The following ENTREP2 variants were observed in gnomAD, a reference collection of about 807,000 sequenced individuals.
ENTREP2 encodes protein ENTREP2.
chr15:29,527,228 C>T, the ENTREP2 span, among the ~76,000 whole-genome samples: 2 of 152,126 alleles, frequency 1.3e-5, no homozygotes, highest in Admixed American at 6.5e-5. Context: ...CAATGCCATC[C>T]GTATGCACCT....
the ENTREP2 span, among the ~76,000 whole-genome samples, chr15:29,123,822 C>T: frequency 2.0e-5 from 3 of 152,172 alleles, no homozygotes; most frequent in Non-Finnish European, 4.4e-5. Flanking sequence ...CCCTTCTCAA[C>T]CCCAAACTGA....
chr15:29,283,763 A>G, the ENTREP2 span, among the ~76,000 whole-genome samples: 1 of 152,212 alleles, frequency 6.6e-6, no homozygotes, highest in Admixed American at 6.5e-5. Context: ...GAGAATTCAT[A>G]AGGAGATATT....
the ENTREP2 span, among the ~76,000 whole-genome samples, chr15:29,367,246 G>A: frequency 6.6e-6 from 1 of 152,122 alleles, no homozygotes; most frequent in African/African-American, 2.4e-5. Context: ...TCACATGCCT[G>A]GTGCAGCCTG....
At chr15:29,197,214 C>T in the ENTREP2 span, among the ~76,000 whole-genome samples, 7 of 152,184 alleles carry the variant, frequency 4.6e-5, no homozygotes, top group Admixed American at 2.0e-4. Context: ...CAGTGTTAGA[C>T]GAAGAGAGAG....
chr15:29,671,278 G>A, the ENTREP2 span, among the ~76,000 whole-genome samples: 1 of 152,144 alleles, frequency 6.6e-6, no homozygotes, highest in Admixed American at 6.5e-5. Flanking sequence ...GTAATAAACT[G>A]GTAATAGTAA....
the ENTREP2 span, among the ~76,000 whole-genome samples, chr15:29,215,519 G>C: frequency 6.6e-6 from 1 of 151,622 alleles, no homozygotes; most frequent in Non-Finnish European, 1.5e-5. Context: ...TCAGCCTGCA[G>C]ACAGCCTATT....
the ENTREP2 span, among the ~76,000 whole-genome samples, chr15:29,356,793 T>C: frequency 1.3e-5 from 2 of 152,048 alleles, no homozygotes; most frequent in African/African-American, 2.4e-5. Flanking sequence ...ATCACACAGA[T>C]GTTAATTCTC....
the ENTREP2 span, among the ~76,000 whole-genome samples, chr15:29,486,850 A>G: frequency 2.0e-5 from 3 of 152,166 alleles, no homozygotes; most frequent in Non-Finnish European, 4.4e-5. Context: ...GCTCATGGAT[A>G]TAGAAAATTA....
At chr15:29,501,520 C>T in the ENTREP2 span, among the ~76,000 whole-genome samples, 2 of 151,892 alleles carry the variant, frequency 1.3e-5, no homozygotes, top group East Asian at 1.9e-4. Flanking sequence ...ATTTCTTAAC[C>T]TGATAAAGGG....
the ENTREP2 span, among the ~76,000 whole-genome samples, chr15:29,482,838 T>G: frequency 2.0e-5 from 3 of 152,232 alleles, no homozygotes; most frequent in African/African-American, 7.2e-5. Flanking sequence ...AAGTTTTTAA[T>G]TCATTTAGGT....
the ENTREP2 span, among the ~76,000 whole-genome samples, chr15:29,668,111 C>G: frequency 5.9e-5 from 9 of 152,162 alleles, no homozygotes; most frequent in South Asian, 1.9e-3. Flanking sequence ...AGAGAGCACC[C>G]TAGCCAATCA....
the ENTREP2 span, among the ~76,000 whole-genome samples, chr15:29,499,770 T>C: frequency 3.3e-5 from 5 of 152,136 alleles, no homozygotes; most frequent in South Asian, 1.0e-3. Flanking sequence ...ACATATTGTG[T>C]AAATGAACTA....
the ENTREP2 span, among the ~76,000 whole-genome samples, chr15:29,571,081 C>G: frequency 1.3e-5 from 2 of 150,006 alleles, no homozygotes; most frequent in Admixed American, 1.3e-4. Context: ...GGCGCGAGCC[C>G]CGCCGCCGTG....
chr15:29,440,347 G>T, the ENTREP2 span, among the ~76,000 whole-genome samples: 1 of 152,122 alleles, frequency 6.6e-6, no homozygotes, highest in African/African-American at 2.4e-5. Flanking sequence ...CCAGATACCA[G>T]CCAAAGCACA....
the ENTREP2 span, among the ~76,000 whole-genome samples, chr15:29,424,100 T>C: frequency 6.6e-6 from 1 of 152,208 alleles, no homozygotes; most frequent in East Asian, 1.9e-4. Context: ...CACGGGTTTG[T>C]GCTCTCACTG....
At chr15:29,440,240 T>C in the ENTREP2 span, among the ~76,000 whole-genome samples, 3 of 152,208 alleles carry the variant, frequency 2.0e-5, no homozygotes, top group East Asian at 5.8e-4. Flanking sequence ...GACAAATGTA[T>C]GATGGTTACA....
chr15:29,543,765 C>A, the ENTREP2 span, among the ~76,000 whole-genome samples: 4 of 148,866 alleles, frequency 2.7e-5, no homozygotes, highest in African/African-American at 1.0e-4. Context: ...GGCAACAGAG[C>A]AAGACTCTAT....
At chr15:29,340,749 T>C in the ENTREP2 span, among the ~76,000 whole-genome samples, 1 of 152,080 alleles carries the variant, frequency 6.6e-6, no homozygotes, top group Non-Finnish European at 1.5e-5. Context: ...ATAATGGAGA[T>C]CTGGCAAGGT....
chr15:29,296,135 C>T, the ENTREP2 span, among the ~76,000 whole-genome samples: 1 of 152,144 alleles, frequency 6.6e-6, no homozygotes, highest in African/African-American at 2.4e-5. Context: ...CAGGTTTCCA[C>T]AACACCATGA....
Sources: allele counts gnomAD v4.1 joint callset (sites outside exome capture counted in the v4.1 genomes callset), GRCh38; gene constraint gnomAD v4.1.1; transcripts MANE v1.5; gene names NCBI Gene and HGNC (gene_info 2026-07-23, HGNC 2026-07-21).